The following CCSER2 variants were observed in gnomAD, a reference collection of about 807,000 sequenced individuals.
CCSER2 encodes serine-rich coiled-coil domain-containing protein 2.
Under a neutral mutation model 92.3 loss-of-function variants are expected in CCSER2, and 46 were observed. That is an observed-to-expected ratio of 0.50 (90% confidence interval 0.39 to 0.64). CCSER2 has a LOEUF of 0.64. CCSER2 is among the 30% of genes least tolerant of loss of function. The pLI is 0.00. For synonymous variants in CCSER2, 433 were observed against 431.4 expected, an observed-to-expected ratio of 1.00 and a Z score of -0.04; for missense variants, 1,244 against 1,238.9, an observed-to-expected ratio of 1.00 and a Z score of -0.06.
At chr10:84,429,054 T>C (rs1179975840) in intron 5 of CCSER2, among the ~76,000 whole-genome samples, 3 of 151,286 alleles carry the variant, frequency 2.0e-5, no homozygotes, top group Non-Finnish European at 2.9e-5. Context: ...TTGTTTTGTT[T>C]TTCTTCTTGA....
chr10:84,506,965 A>G (rs1026347454), intron 9 of CCSER2, among the ~76,000 whole-genome samples: 3 of 152,142 alleles, frequency 2.0e-5, no homozygotes, highest in Admixed American at 6.5e-5. Flanking sequence ...TTTTATCAGA[A>G]TTACTTTCAA....
At chr10:84,383,497 A>G (rs1460304644) in intron 3 of CCSER2, among the ~76,000 whole-genome samples, 4 of 151,896 alleles carry the variant, frequency 2.6e-5, no homozygotes, top group African/African-American at 9.7e-5. Context: ...TTTTTAGTAG[A>G]GACGGGGTTT....
intron 1 of CCSER2, among the ~76,000 whole-genome samples, chr10:84,364,074 A>G (rs781518047): frequency 1.4e-5 from 2 of 145,338 alleles, no homozygotes; most frequent in Non-Finnish European, 3.1e-5. Flanking sequence ...TAAAAATACT[A>G]TATAAAAGAG....
At chr10:84,463,096 C>G (rs941874500) in intron 6 of CCSER2, among the ~76,000 whole-genome samples, 2 of 152,154 alleles carry the variant, frequency 1.3e-5, no homozygotes, top group Non-Finnish European at 2.9e-5. Flanking sequence ...CTTTCTGAAC[C>G]ATTGAGCATG....
chr10:84,360,359 C>T (rs1296449747), intron 1 of CCSER2, among the ~76,000 whole-genome samples: 1 of 151,894 alleles, frequency 6.6e-6, no homozygotes. Flanking sequence ...GAAGATTTTC[C>T]ATCAATTTTT....
At chr10:84,393,778 T>C (rs575407722) in intron 3 of CCSER2, 1 of 152,550 alleles carries the variant, frequency 6.6e-6, no homozygotes, top group African/African-American at 2.4e-5. Context: ...ACATAACCTA[T>C]TTACAAAGTA....
chr10:84,452,932 T>C (rs1270261877), intron 6 of CCSER2, among the ~76,000 whole-genome samples: 2 of 152,154 alleles, frequency 1.3e-5, no homozygotes, highest in Non-Finnish European at 2.9e-5. Context: ...GTCAGAGTTA[T>C]TAGGAGGGTG....
At chr10:84,432,314 A>G (rs986676853) in intron 5 of CCSER2, among the ~76,000 whole-genome samples, 1 of 152,172 alleles carries the variant, frequency 6.6e-6, no homozygotes, top group Non-Finnish European at 1.5e-5. Flanking sequence ...ATACATGGAT[A>G]TATTATGTGA....
intron 6 of CCSER2, among the ~76,000 whole-genome samples, chr10:84,459,903 A>G (rs1845998485): frequency 6.6e-6 from 1 of 151,768 alleles, no homozygotes; most frequent in African/African-American, 2.4e-5. Flanking sequence ...TCCTGATTGG[A>G]TATTGAATTT....
At chr10:84,507,309 T>C (rs1849110137) in intron 9 of CCSER2, 5 of 985,018 alleles carry the variant, frequency 5.1e-6, no homozygotes, top group African/African-American at 1.7e-5. Context: ...GAGAAGTTAG[T>C]CCATTACTTC....
intron 3 of CCSER2, among the ~76,000 whole-genome samples, chr10:84,399,669 C>T (rs1287832965): frequency 1.3e-5 from 2 of 151,966 alleles, no homozygotes; most frequent in Admixed American, 6.6e-5. Context: ...ATTATTATAT[C>T]CCCTCCATTG....
At chr10:84,375,037 C>T (rs1252065555) in intron 3 of CCSER2, among the ~76,000 whole-genome samples, 1 of 152,080 alleles carries the variant, frequency 6.6e-6, no homozygotes, top group Non-Finnish European at 1.5e-5. Context: ...AGTTTAAGAC[C>T]TTATATGCTG....
At chr10:84,414,086 T>G (rs1309824273) in intron 3 of CCSER2, among the ~76,000 whole-genome samples, 1 of 152,244 alleles carries the variant, frequency 6.6e-6, no homozygotes, top group African/African-American at 2.4e-5. Context: ...CCGATGGATC[T>G]TGGCTAATTA....
chr10:84,346,686 T>C (rs1468318211), intron 1 of CCSER2, among the ~76,000 whole-genome samples: 1 of 151,674 alleles, frequency 6.6e-6, no homozygotes, highest in Non-Finnish European at 1.5e-5. Context: ...ATAGTACATT[T>C]CAGAGAGCAC....
Position 84,372,213 on chromosome 10 carries a change from G to A in CCSER2, c.1161G>A (p.Met387Ile). ...AGACCATGAAACATGATGCTAAAAT[G>A]AGATACCTGAGTGATGATGTGGATG... is the stretch of plus-strand genomic sequence containing the variant. ...NNQTMKHDAK[M>I]RYLSDDVDDI... is the part of the protein sequence containing the mutation. Residue 387 changes from methionine to isoleucine, a missense_variant, in exon 2 of 10, where the codon ATG (methionine) becomes ATA (isoleucine). Coordinates refer to ENST00000372088, the MANE Select transcript of CCSER2 (RefSeq NM_001284240.2). The A allele has an allele frequency of 6.2e-7, 1 of 1,613,518 alleles. No individual in the cohort carries two copies. Among genetic ancestry groups the A allele is most frequent in the Admixed American group, 1.7e-5 (1 of 59,942 alleles).
At chr10:84,453,465 G>A (rs1406687619) in intron 6 of CCSER2, among the ~76,000 whole-genome samples, 1 of 152,186 alleles carries the variant, frequency 6.6e-6, no homozygotes, top group African/African-American at 2.4e-5. Flanking sequence ...GAGGCAGCTG[G>A]CCAGATTTGT....
At chr10:84,505,411 T>C (rs2131857410) in intron 9 of CCSER2, among the ~76,000 whole-genome samples, 1 of 152,292 alleles carries the variant, frequency 6.6e-6, no homozygotes, top group African/African-American at 2.4e-5. Context: ...ATTTGACAAT[T>C]GTTGAATTGT....
At chr10:84,403,623 G>A (rs1564632115) in intron 3 of CCSER2, among the ~76,000 whole-genome samples, 2 of 152,114 alleles carry the variant, frequency 1.3e-5, no homozygotes. Flanking sequence ...AGGAGTAAGA[G>A]ACTTTGACAT....
chr10:84,486,196 G>T lies in CCSER2; in HGVS notation c.2325+8532G>T, dbSNP rs937868133. On this transcript the variant is annotated intron_variant, in intron 9 of 9. Transcript: ENST00000372088. ...CTTTGCTATTGTGAATAGTGCTGCA[G>T]TAAACATACGTGTGCATGTGCCTTT... 2.6e-5 allele frequency among the ~76,000 whole-genome samples: 4 copies of T among 152,222 alleles called. No individual in the cohort carries two copies. The East Asian group carries it at 7.7e-4, about 29-fold the overall frequency.
Sources: gnomAD v4.1 joint callset for allele counts (sites outside exome capture counted in the v4.1 genomes callset) on GRCh38, gnomAD v4.1.1 for gene constraint, MANE v1.5 for transcripts, NCBI Gene and HGNC (gene_info 2026-07-23, HGNC 2026-07-21) for gene names.